The following STC2 variants were observed in gnomAD, a reference collection of about 807,000 sequenced individuals.
The protein encoded by STC2 is stanniocalcin-2.
A neutral mutation model predicts 22.7 loss-of-function variants in STC2; 7 were observed. That is an observed-to-expected ratio of 0.31 (90% CI 0.18 to 0.58). The LOEUF is 0.58. Among genes scored for constraint, STC2 ranks in the 20% least tolerant of loss-of-function variants. The pLI, the probability that STC2 is intolerant of heterozygous loss-of-function variation, is 0.89. For missense variants in STC2, 336 were observed against 406.2 expected (o/e 0.83, Z 1.48); for synonymous variants, 158 against 163.4 (o/e 0.97, Z 0.25).
At position 173,328,237 on chromosome 5, in the gene STC2, T is replaced by A; in HGVS notation, c.-44A>T. On this transcript the variant is annotated 5_prime_UTR_variant, in exon 1 of 4. Transcript: ENST00000265087. The stretch of plus-strand genomic sequence containing the variant: ...CCCGTCGGGAGACCTGGATCCTTTG[T>A]GCTCCCCTCTTCCTCCTCCTCCTCT... 7.1e-7 allele frequency: 1 copy of A among 1,405,574 alleles called. No individual in the cohort carries two copies. Among genetic ancestry groups the A allele is most frequent in the Non-Finnish European group, 9.3e-7 (1 of 1,071,010 alleles). The allele number at this position is 1,405,574 out of a possible 1,614,324, so 87.1% of individuals were successfully genotyped here.
rs1290027044 is a variant in STC2, at chr5:173,325,120, GTA to G, written c.294+746_294+747del. On this transcript the variant is annotated intron_variant, in intron 2 of 3. Transcript: ENST00000265087. This position sits in a 1 kb window ranked among gnomAD's most constrained non-coding sequence, Gnocchi z 4.7. ...GCAGGAGAGACGTTTCTGAGATATA[GTA>G]ACAGGGCGTTTCAACAGGGCATATA... Among the ~76,000 whole-genome samples the G allele has an allele frequency of 6.6e-6, 1 of 152,356 alleles. No individual in the cohort carries two copies. Among genetic ancestry groups the G allele is most frequent in the East Asian group, 1.9e-4 (1 of 5,188 alleles).
chr5:173,327,996 G>C (rs746477409), intron 1 of STC2, 47 bp downstream of exon 1: 10 of 1,405,504 alleles, frequency 7.1e-6, no homozygotes, highest in African/African-American at 1.5e-5. Flanking sequence ...GTGGGTGCAC[G>C]GTGTCCTCTC....
chr5:173,320,448 C>T (rs1762470025), intron 3 of STC2, among the ~76,000 whole-genome samples: 1 of 152,206 alleles, frequency 6.6e-6, no homozygotes, highest in South Asian at 2.1e-4. Flanking sequence ...TCTGAGGCTG[C>T]AAGCTCAGCC....
rs1178644038 is a variant in STC2, at chr5:173,325,612, A to T, written c.294+256T>A. Among the ~76,000 whole-genome samples, 1 of 152,166 alleles carries T rather than the reference A, an allele frequency of 6.6e-6. No homozygotes were observed. Among genetic ancestry groups the T allele is most frequent in the Non-Finnish European group, 1.5e-5 (1 of 68,040 alleles). On this transcript the variant is annotated intron_variant, in intron 2 of 3. Transcript: ENST00000265087. This position sits in a 1 kb window ranked among gnomAD's most constrained non-coding sequence, Gnocchi z 4.7. ...TGGAGACTGAGTTCTGGGTGGCCAGACACAGCGTGTCCCCTTACAAGGTGT... is the reference window on the plus strand; with the variant it reads ...TGGAGACTGAGTTCTGGGTGGCCAGTCACAGCGTGTCCCCTTACAAGGTGT...
intron 1 of STC2, 151 bp from the exon 2 acceptor site, chr5:173,326,161 G>C (rs1762543998): frequency 1.2e-6 from 1 of 832,004 alleles, no homozygotes. Flanking sequence ...TAAAAAGCCT[G>C]GGAAACAAAA....
In STC2 at chr5:173,328,174, C is replaced by T; in HGVS notation, c.20G>A (p.Gly7Asp). Residue 7 changes from glycine (G) to aspartate (D), a missense_variant, in exon 1 of 4, where the codon GGC (glycine) becomes GAC (aspartate). Around this residue, in one of 3 missense-constraint regions of STC2, gnomAD observed 99 missense variants for 122.7 expected, o/e 0.81. Transcript: ENST00000265087. MCAERL[G>D]QFMTLALVLA... The stretch of plus-strand genomic sequence containing the variant: ...CACCAAAGCCAGGGTCATGAACTGG[C>T]CCAGCCGCTCGGCACACATGGTTCT... 6.4e-7 allele frequency: 1 copy of T among 1,569,800 alleles called. No homozygotes were observed. Among genetic ancestry groups the T allele is most frequent in the Non-Finnish European group, 8.6e-7 (1 of 1,158,126 alleles).
chr5:173,317,123 A>T lies in STC2; in HGVS notation c.*724T>A, dbSNP rs931653019. The T allele has an allele frequency of 1.3e-5, 2 of 152,572 alleles. No homozygotes were observed. The highest frequency in any genetic ancestry group is 2.9e-5 in the Non-Finnish European group (2 of 68,028). 9.5% of individuals were successfully genotyped at this position (152,572 alleles called of 1,614,324 possible). ...ATGTAGATATAACTGGATAAATAAA[A>T]AAAGTGAAATCGAGATTTGAAGCAG... is the stretch of plus-strand genomic sequence containing the variant. On this transcript the variant is annotated 3_prime_UTR_variant, in exon 4 of 4. Coordinates refer to ENST00000265087, the MANE Select transcript of STC2 (RefSeq NM_003714.3).
At position 173,317,504 on chromosome 5, in the gene STC2, C is replaced by A. The variant is rs1440095107; in HGVS notation, c.*343G>T. 1.6e-5 allele frequency: 3 copies of A among 183,266 alleles called. No individual in the cohort carries two copies. Among genetic ancestry groups the A allele is most frequent in the Non-Finnish European group, 3.4e-5 (3 of 88,644 alleles). The allele number at this position is 183,266 out of a possible 1,614,324, so 11.4% of individuals were successfully genotyped here. ...CCACTGTGTGGCCCAGCTCTGGGGG[C>A]CCTGCCTTGCCCTGCCCCTCCCTGG... On this transcript the variant is annotated 3_prime_UTR_variant, in exon 4 of 4. Transcript: ENST00000265087.
At chr5:173,326,695 A>T (rs1301968731) in intron 1 of STC2, 1 of 152,064 alleles carries the variant, frequency 6.6e-6, no homozygotes, top group East Asian at 1.9e-4. Context: ...TTAATTAGGG[A>T]TCCGGGTGAG....
At chr5:173,324,202 T>A (rs1263832873) in intron 2 of STC2, 1 of 152,390 alleles carries the variant, frequency 6.6e-6, no homozygotes, top group Non-Finnish European at 1.5e-5. Context: ...GCAGTTCTCT[T>A]TCCTGGCAAC....
Position 173,318,041 on chromosome 5 carries a change from G to A in STC2, c.715C>T (p.His239Tyr). 1 of 1,611,992 alleles carries A rather than the reference G, an allele frequency of 6.2e-7. No homozygotes were observed. The change falls in exon 4 of 4, where the codon CAC becomes TAC. Residue 239 changes from histidine to tyrosine, a missense_variant. By Grantham distance (83) the His-to-Tyr change is moderately conservative (BLOSUM62 2). Around this residue, in one of 3 missense-constraint regions of STC2, gnomAD observed 215 missense variants for 231.5 expected, o/e 0.93. Coordinates refer to ENST00000265087, the MANE Select transcript of STC2 (RefSeq NM_003714.3). ...GGGAGGTGATGTCCTGCTTCCCCGT[G>A]GTGGGCCCTGGAGAGCTTGGTTCTG... is the stretch of plus-strand genomic sequence containing the variant. ...VDRTKLSRAH[H>Y]GEAGHHLPEP... is the part of the protein sequence containing the mutation.
In STC2 at chr5:173,315,980, A is replaced by C. The variant is rs1762416044; in HGVS notation, c.*1867T>G. On this transcript the variant is annotated 3_prime_UTR_variant, in exon 4 of 4. Transcript: ENST00000265087. Reference sequence around the variant, plus strand: ...ACTGGGATTGGATTTGGGGCATAGAAATACTAGCTGTGTTTTGGTTGAAGG... The same window carrying C: ...ACTGGGATTGGATTTGGGGCATAGACATACTAGCTGTGTTTTGGTTGAAGG... 1 of 152,208 alleles carries C rather than the reference A, an allele frequency of 6.6e-6. No homozygotes were observed. Among genetic ancestry groups the C allele is most frequent in the South Asian group, 2.1e-4 (1 of 4,830 alleles). 9.4% of individuals were successfully genotyped at this position (152,208 alleles called of 1,614,324 possible).
Position 173,317,540 on chromosome 5 carries a change from C to T in STC2, c.*307G>A, listed in dbSNP as rs944880165. ...CCTGCCCCTCCCTGGTTCACCTCCC[C>T]CACAACAGAGCGGCCGACACCCACT... is the stretch of plus-strand genomic sequence containing the variant. On this transcript the variant is annotated 3_prime_UTR_variant, in exon 4 of 4. Coordinates refer to ENST00000265087, the MANE Select transcript of STC2 (RefSeq NM_003714.3). 2 of 208,652 alleles carry T rather than the reference C, an allele frequency of 9.6e-6. No individual in the cohort carries two copies. Among genetic ancestry groups the T allele is most frequent in the African/African-American group, 4.6e-5 (2 of 43,798 alleles). The allele number at this position is 208,652 out of a possible 1,614,324, so 12.9% of individuals were successfully genotyped here.
chr5:173,327,216 C>T (rs1383958991), intron 1 of STC2, among the ~76,000 whole-genome samples: 2 of 152,230 alleles, frequency 1.3e-5, no homozygotes, highest in Non-Finnish European at 2.9e-5. Context: ...GGTGAGCGCA[C>T]GCACGCCGCC....
At position 173,315,174 on chromosome 5, in the gene STC2, C is replaced by T. The variant is rs1044249410; in HGVS notation, c.*2673G>A. On this transcript the variant is annotated 3_prime_UTR_variant, in exon 4 of 4. Transcript: ENST00000265087. ...CCACATCCTTCCTCAAAGGAAGGCT[C>T]ATGAGTAAATTTGTATGCAGTATAA... is the stretch of plus-strand genomic sequence containing the variant. 4 of 152,148 alleles carry T rather than the reference C, an allele frequency of 2.6e-5. No individual in the cohort carries two copies. Among genetic ancestry groups the T allele is most frequent in the African/African-American group, 7.2e-5 (3 of 41,406 alleles). 9.4% of individuals were successfully genotyped at this position (152,148 alleles called of 1,614,324 possible). A position where few individuals can be genotyped will look rare whatever the true frequency, so the allele number is the denominator to read the frequency against.
chr5:173,323,409 C>G lies in STC2; in HGVS notation c.316G>C (p.Ala106Pro). The G allele has an allele frequency of 6.2e-7, 1 of 1,612,584 alleles. No individual in the cohort carries two copies. The highest frequency in any genetic ancestry group is 8.5e-7 in the Non-Finnish European group (1 of 1,179,320). Residue 106 changes from alanine to proline, a missense_variant, in exon 3 of 4, where the codon GCC becomes CCC. Ala to Pro is a conservative substitution (Grantham distance 27). Coordinates refer to ENST00000265087, the MANE Select transcript of STC2 (RefSeq NM_003714.3). The surrounding 1 kb of genome is among the most constrained non-coding windows in gnomAD (Gnocchi z 5.4). ...AGAGCGTGGGCCTTACATTTCAAGGCGTCTTTGATGAATGACTTGCCCTGA... is the reference window on the plus strand; with the variant it reads ...AGAGCGTGGGCCTTACATTTCAAGGGGTCTTTGATGAATGACTTGCCCTGA... ...DAQGKSFIKD[A>P]LKCKAHALRH...
At position 173,325,192 on chromosome 5, in the gene STC2, C is replaced by T. The variant is rs534943621; in HGVS notation, c.294+676G>A. On this transcript the variant is annotated intron_variant, in intron 2 of 3. Coordinates refer to ENST00000265087, the MANE Select transcript of STC2 (RefSeq NM_003714.3). This position sits in a 1 kb window ranked among gnomAD's most constrained non-coding sequence, Gnocchi z 4.7. ...AAGAAGGTGAGTCTGATGCCACATGCCATCTAAAAATGTATTTGCGTTGTT... is the reference window on the plus strand; with the variant it reads ...AAGAAGGTGAGTCTGATGCCACATGTCATCTAAAAATGTATTTGCGTTGTT... Among the ~76,000 whole-genome samples, 6 of 152,324 alleles carry T rather than the reference C, an allele frequency of 3.9e-5. No homozygotes were observed. Among genetic ancestry groups the T allele is most frequent in the Non-Finnish European group, 2.9e-5 (2 of 68,038 alleles).
chr5:173,324,078 G>C (rs545256893), intron 2 of STC2: 7 of 152,620 alleles, frequency 4.6e-5, no homozygotes, highest in African/African-American at 1.2e-4. Context: ...CCTCTAAAAG[G>C]CTGGCCTGGC....
At chr5:173,321,814 A>T (rs1762489512) in intron 3 of STC2, among the ~76,000 whole-genome samples, 1 of 146,136 alleles carries the variant, frequency 6.8e-6, no homozygotes, top group Non-Finnish European at 1.5e-5. Context: ...AAAAAAAATT[A>T]AAAAAACATA....
Sources: gnomAD v4.1 joint callset for allele counts (sites outside exome capture counted in the v4.1 genomes callset) on GRCh38, gnomAD v4.1.1 for gene constraint, gnomAD v4.1.1 regional missense constraint, Gnocchi (gnomAD v3.1) non-coding constraint, MANE v1.5 for transcripts, NCBI Gene and HGNC (gene_info 2026-07-23, HGNC 2026-07-21) for gene names.